The following NFASC variants were observed in gnomAD, a reference collection of about 807,000 sequenced individuals.
NFASC encodes the protein neurofascin homolog.
NFASC carries 43 observed loss-of-function variants against 147.5 expected under a neutral mutation model. That is an observed-to-expected ratio of 0.29 (90% confidence interval 0.23 to 0.38). NFASC has a LOEUF of 0.38. NFASC is among the 10% of genes least tolerant of loss of function. NFASC has a pLI of 1.00. For synonymous variants in NFASC, 622 were observed against 665.5 expected, an observed-to-expected ratio of 0.93 and a Z score of 1.01; for missense variants, 1,320 against 1,689.0, an observed-to-expected ratio of 0.78 and a Z score of 3.83.
chr1:205,009,974 C>A, intron 28 of NFASC: 1 of 432,364 alleles, frequency 2.3e-6, no homozygotes, highest in Non-Finnish European at 4.2e-6. Flanking sequence ...CCTTGACTCA[C>A]CACCCATCTG....
intron 1 of NFASC, among the ~76,000 whole-genome samples, chr1:204,920,245 C>T (rs565290474): frequency 1.3e-5 from 2 of 152,212 alleles, no homozygotes; most frequent in African/African-American, 2.4e-5. Flanking sequence ...CATAGTTCTC[C>T]TAGGAAGCTA....
intron 21 of NFASC, 21 bp downstream of exon 21, chr1:204,982,041 C>T (rs757826070): frequency 6.1e-6 from 9 of 1,474,034 alleles, no homozygotes; most frequent in South Asian, 4.1e-5. Flanking sequence ...TCCTCCCCGT[C>T]CCCCCATCAG....
chr1:204,916,944 C>T (rs914648969), intron 1 of NFASC, among the ~76,000 whole-genome samples: 1 of 152,070 alleles, frequency 6.6e-6, no homozygotes, highest in Non-Finnish European at 1.5e-5. Context: ...AGGCTGGGCA[C>T]GGTGGCACAT....
chr1:204,858,529 T>C (rs61642896), intron 1 of NFASC, among the ~76,000 whole-genome samples: 28,609 of 151,676 alleles, frequency 0.19, 4,209 homozygotes, highest in East Asian at 0.53. Flanking sequence ...TTCGGGGAGG[T>C]GGGAGAAGCA....
intron 28 of NFASC, among the ~76,000 whole-genome samples, chr1:205,011,353 G>C (rs186265207): frequency 7.5e-4 from 114 of 152,282 alleles, no homozygotes; most frequent in African/African-American, 2.7e-3. Flanking sequence ...TCCCTTACTG[G>C]TGAGCGATGT....
At chr1:204,861,078 CTTTTTTT>C (rs1162020795) in intron 1 of NFASC, among the ~76,000 whole-genome samples, 15 of 68,946 alleles carry the variant, frequency 2.2e-4, no homozygotes, top group African/African-American at 1.1e-3. Context: ...ACTTGCTTTC[CTTTTTTT>C]TTTTTTTTTT....
intron 4 of NFASC, among the ~76,000 whole-genome samples, chr1:204,951,387 C>CTCCTGACCTCAGAAAA (rs1409056341): frequency 6.8e-6 from 1 of 146,418 alleles, no homozygotes; most frequent in African/African-American, 2.5e-5. Context: ...TGGTCTTGAA[C>CTCCTGACCTCAGAAAA]TCCTGACCTC....
rs74812891 is a variant in NFASC, at chr1:204,909,175, C to T, written c.-199-11457C>T. Among the ~76,000 whole-genome samples, 728 of 152,286 alleles carry T rather than the reference C, an allele frequency of 4.8e-3. 3 individuals carry two copies. Among genetic ancestry groups the T allele is most frequent in the South Asian group, 0.013 (65 of 4,828 alleles). On this transcript the variant is annotated intron_variant, in intron 1 of 29. Coordinates refer to ENST00000339876, the MANE Select transcript of NFASC (RefSeq NM_001005388.3). ...AGAAACTGCCAAACCATATTCTAGACGCTGTACCATTTTACATTTCTACCA... is the reference window on the plus strand; with the variant it reads ...AGAAACTGCCAAACCATATTCTAGATGCTGTACCATTTTACATTTCTACCA...
chr1:204,916,138 C>T (rs2149384076), intron 1 of NFASC, among the ~76,000 whole-genome samples: 1 of 152,296 alleles, frequency 6.6e-6, no homozygotes, highest in South Asian at 2.1e-4. Context: ...CTAGGGACAG[C>T]AACCAAGTGC....
chr1:204,933,294 A>G (rs762260749), intron 2 of NFASC, among the ~76,000 whole-genome samples: 1 of 152,156 alleles, frequency 6.6e-6, no homozygotes, highest in Non-Finnish European at 1.5e-5. Flanking sequence ...GATGGGGAGA[A>G]TGCGGGGGAG....
At chr1:204,940,108 C>CA (rs1477016573) in intron 2 of NFASC, among the ~76,000 whole-genome samples, 2 of 152,110 alleles carry the variant, frequency 1.3e-5, no homozygotes, top group Non-Finnish European at 2.9e-5. Flanking sequence ...TAATGGAGGC[C>CA]AATATTATAC....
intron 2 of NFASC, among the ~76,000 whole-genome samples, chr1:204,942,842 A>G (rs2093452657): frequency 6.6e-6 from 1 of 152,184 alleles, no homozygotes; most frequent in South Asian, 2.1e-4. Context: ...AAAAATGTGA[A>G]TAAGAATCCT....
intron 2 of NFASC, among the ~76,000 whole-genome samples, chr1:204,939,398 G>A (rs2093177434): frequency 6.6e-6 from 1 of 152,164 alleles, no homozygotes; most frequent in Admixed American, 6.5e-5. Context: ...GGAAGCACCT[G>A]CCTTTCTGAA....
chr1:204,924,398 G>A (rs558718386), intron 2 of NFASC, among the ~76,000 whole-genome samples: 1 of 152,326 alleles, frequency 6.6e-6, no homozygotes, highest in African/African-American at 2.4e-5. Flanking sequence ...AAATGCAACC[G>A]GGGATGTGCT....
rs184030361 is a variant in NFASC, at chr1:204,896,835, A to T, written c.-199-23797A>T. Among the ~76,000 whole-genome samples the T allele has an allele frequency of 5.1e-4, 77 of 152,312 alleles. 1 individual carries two copies. The highest frequency in any genetic ancestry group is 8.7e-4 in the Non-Finnish European group (59 of 68,036). On this transcript the variant is annotated intron_variant, in intron 1 of 29. Coordinates refer to ENST00000339876, the MANE Select transcript of NFASC (RefSeq NM_001005388.3). Reference sequence around the variant, plus strand: ...AGAAACAAAGCTAGAGACATTATAGATATTGGTCAGTTTAATCATCAGACA... The same window carrying T: ...AGAAACAAAGCTAGAGACATTATAGTTATTGGTCAGTTTAATCATCAGACA...
Position 204,873,512 on chromosome 1 carries a change from G to A in NFASC, c.-200+44730G>A, listed in dbSNP as rs188391519. On this transcript the variant is annotated intron_variant, in intron 1 of 29. Transcript: ENST00000339876. ...TTCTGCCTTTGAGTCAGATGTGCCT[G>A]TTCACCCAGAAAGAAGCCTTTGGCT... Among the ~76,000 whole-genome samples, 3 of 152,340 alleles carry A rather than the reference G, an allele frequency of 2.0e-5. No homozygotes were observed. The East Asian group carries it at 5.8e-4, about 29-fold the overall frequency.
chr1:204,958,309 T>C lies in NFASC; in HGVS notation c.706+483T>C, dbSNP rs138931032. On this transcript the variant is annotated intron_variant, in intron 8 of 29. Transcript: ENST00000339876. ...AAACCCATAGCAGAAAATATGAAAA[T>C]TAGTGGAGACACCAAAATAAATTTT... Among the ~76,000 whole-genome samples the C allele has an allele frequency of 4.0e-3, 615 of 152,342 alleles. 22 individuals are homozygous for C. The highest frequency in any genetic ancestry group is 0.038 in the Admixed American group (577 of 15,300).
At chr1:204,883,810 G>C (rs937224120) in intron 1 of NFASC, among the ~76,000 whole-genome samples, 7 of 152,192 alleles carry the variant, frequency 4.6e-5, no homozygotes, top group African/African-American at 1.7e-4. Flanking sequence ...TGAGCCACTG[G>C]AAGGCCCTTT....
intron 1 of NFASC, among the ~76,000 whole-genome samples, chr1:204,852,050 C>T (rs778695682): frequency 6.6e-6 from 1 of 152,180 alleles, no homozygotes; most frequent in Non-Finnish European, 1.5e-5. Context: ...CAGGATTAGA[C>T]ACAGTCTTTA....
Sources: gnomAD v4.1 joint callset for allele counts (sites outside exome capture counted in the v4.1 genomes callset) on GRCh38, gnomAD v4.1.1 for gene constraint, MANE v1.5 for transcripts, NCBI Gene and HGNC (gene_info 2026-07-23, HGNC 2026-07-21) for gene names.